PCM1: variants seen among roughly 807,000 people sequenced by gnomAD.
The protein encoded by PCM1 is pericentriolar material 1 protein.
PCM1 carries 157 observed loss-of-function variants against 241.9 expected under a neutral mutation model. That is an observed-to-expected ratio of 0.65 (90% CI 0.57 to 0.74). The LOEUF is 0.74. Ranked by LOEUF, PCM1 falls within the 30% of genes least tolerant of loss-of-function variation. The pLI, the probability that PCM1 is intolerant of heterozygous loss-of-function variation, is 0.00. For synonymous variants in PCM1, 1,085 were observed against 784.9 expected (o/e 1.38, Z -6.39); for missense variants, 3,478 against 2,360.1 (o/e 1.47, Z -9.81).
At chr8:17,996,760 A>G (rs914986095) in intron 29 of PCM1, among the ~76,000 whole-genome samples, 10 of 152,218 alleles carry the variant, frequency 6.6e-5, no homozygotes, top group Admixed American at 6.5e-4. Context: ...AACCGATAAC[A>G]CTGATTGCAT....
At chr8:17,945,606 T>TA (rs1427268896) in intron 6 of PCM1, among the ~76,000 whole-genome samples, 1 of 152,208 alleles carries the variant, frequency 6.6e-6, no homozygotes, top group Non-Finnish European at 1.5e-5. Flanking sequence ...AGTCACAGTG[T>TA]AAAATATTAC....
chr8:17,993,930 A>G (rs1283508957), intron 29 of PCM1, among the ~76,000 whole-genome samples: 1 of 152,104 alleles, frequency 6.6e-6, no homozygotes, highest in Non-Finnish European at 1.5e-5. Context: ...GTAGGTGTGT[A>G]TATTTATGGG....
chr8:17,948,638 A>G (rs1306882768), intron 7 of PCM1, among the ~76,000 whole-genome samples: 1 of 152,158 alleles, frequency 6.6e-6, no homozygotes, highest in African/African-American at 2.4e-5. Context: ...ATATAGCTGT[A>G]TAGAGTACTG....
Position 17,967,037 on chromosome 8 carries a change from T to G in PCM1, c.3279T>G (p.Pro1093=). Residue 1093 remains proline, a synonymous_variant, in exon 21 of 39, where the codon CCT becomes CCG. Transcript: ENST00000325083. ...MRQQNQHPEK[P]GGKERGSSAS... ...AGCAAAATCAGCATCCAGAAAAACC[T>G]GGAGGCAAGGAAAGAGGCAGTAGTG... The G allele has an allele frequency of 6.2e-7, 1 of 1,609,540 alleles. No homozygotes were observed. The highest frequency in any genetic ancestry group is 1.7e-5 in the Admixed American group (1 of 59,406).
chr8:18,020,408 T>TCTTA (rs1266249540), intron 36 of PCM1, among the ~76,000 whole-genome samples: 3 of 152,144 alleles, frequency 2.0e-5, no homozygotes, highest in Non-Finnish European at 4.4e-5. Context: ...ATCCAACATG[T>TCTTA]CTTAATAAGT....
chr8:17,942,360 A>G (rs909869398), intron 6 of PCM1, among the ~76,000 whole-genome samples: 4 of 151,286 alleles, frequency 2.6e-5, no homozygotes, highest in African/African-American at 9.7e-5. Flanking sequence ...CCAGCTACTC[A>G]GGAGGCTGAG....
rs1222730498 is a variant in PCM1 at position 17,964,589 on chromosome 8, G to T, written c.2676G>T (p.Gly892=). The change falls in exon 18 of 39, where the codon GGG becomes GGT. Residue 892 remains glycine (G), a synonymous_variant. Coordinates refer to ENST00000325083, the MANE Select transcript of PCM1 (RefSeq NM_006197.4). ...RTEKTMATWG[G]STQCALDEEG... is the part of the protein sequence containing the mutation. ...CTAGAACGATGGCAACTTGGGGAGG[G>T]TCTACCCAGTGTGCACTAGATGAAG... 1.2e-5 allele frequency: 20 copies of T among 1,613,592 alleles called. No homozygotes were observed. Among genetic ancestry groups the T allele is most frequent in the Non-Finnish European group, 1.6e-5 (19 of 1,179,734 alleles).
At chr8:17,940,305 T>C (rs1020553760) in intron 6 of PCM1, 5 of 493,858 alleles carry the variant, frequency 1.0e-5, no homozygotes, top group Non-Finnish European at 1.4e-5. Context: ...GTATGTGTTC[T>C]TCTGTATTTA....
chr8:17,999,618 T>A (rs572425215), intron 29 of PCM1, among the ~76,000 whole-genome samples: 102 of 152,218 alleles, frequency 6.7e-4, no homozygotes, highest in Admixed American at 3.2e-3. Flanking sequence ...CAGTGCTGCC[T>A]GGGGTTGGGG....
In PCM1 at chr8:17,966,364, C is replaced by G; in HGVS notation, c.3112C>G (p.Pro1038Ala). 4 of 1,613,758 alleles carry G rather than the reference C, an allele frequency of 2.5e-6. No individual in the cohort carries two copies. The highest frequency in any genetic ancestry group is 1.6e-4 in the Middle Eastern group (1 of 6,062). Reference protein sequence around the residue: ...SCLLQTLLTGPYSVMPSNVAS... With the variant: ...SCLLQTLLTGAYSVMPSNVAS... ...TCTGCTACAAACTCTTCTCACGGGT[C>G]CTTACAGTGTTATGCCCAGCAATGT... Residue 1038 changes from proline (P) to alanine (A), a missense_variant, in exon 20 of 39, where the codon CCT (proline) becomes GCT (alanine). Coordinates refer to ENST00000325083, the MANE Select transcript of PCM1 (RefSeq NM_006197.4).
chr8:17,999,057 C>T (rs911364192), intron 29 of PCM1, among the ~76,000 whole-genome samples: 2 of 152,124 alleles, frequency 1.3e-5, no homozygotes, highest in African/African-American at 4.8e-5. Flanking sequence ...GTGGGCTCTC[C>T]TCTGGCCCAG....
intron 29 of PCM1, among the ~76,000 whole-genome samples, chr8:17,996,428 T>G (rs983760453): frequency 6.6e-6 from 1 of 152,200 alleles, no homozygotes; most frequent in African/African-American, 2.4e-5. Context: ...GTTGTTGAAT[T>G]CCGAGGTATC....
At chr8:17,996,985 T>C (rs539948413) in intron 29 of PCM1, among the ~76,000 whole-genome samples, 2 of 152,344 alleles carry the variant, frequency 1.3e-5, no homozygotes, top group South Asian at 4.1e-4. Context: ...TACTTTCTAT[T>C]ACTGGTGAAT....
chr8:17,993,123 T>C (rs796547264), intron 28 of PCM1, among the ~76,000 whole-genome samples: 9 of 152,238 alleles, frequency 5.9e-5, no homozygotes, highest in African/African-American at 2.2e-4. Context: ...TTTGTTTTTG[T>C]TGCATTTGCT....
At chr8:17,926,781 C>G (rs2057139242) in intron 2 of PCM1, 1 of 152,112 alleles carries the variant, frequency 6.6e-6, no homozygotes, top group Non-Finnish European at 1.5e-5. Flanking sequence ...TGGTAGTATT[C>G]AGGAAGGCTA....
At position 17,994,055 on chromosome 8, in the gene PCM1, CTT is replaced by C. The variant is rs775201878; in HGVS notation, c.4827+439_4827+440del. On this transcript the variant is annotated intron_variant, in intron 29 of 38. Coordinates refer to ENST00000325083, the MANE Select transcript of PCM1 (RefSeq NM_006197.4). ...GTGTTACAAACAATCCAGTTATACT[CTT>C]TTAGTTATTTTAAAATGTATAATTA... Among the ~76,000 whole-genome samples, 160 of 152,240 alleles carry C rather than the reference CTT, an allele frequency of 1.1e-3. 2 individuals are homozygous for C. Among genetic ancestry groups the C allele is most frequent in the Non-Finnish European group, 1.2e-3 (84 of 68,008 alleles).
chr8:18,021,555 G>A (rs796083494), intron 36 of PCM1, among the ~76,000 whole-genome samples: 8 of 152,208 alleles, frequency 5.3e-5, no homozygotes, highest in African/African-American at 1.9e-4. Context: ...TTCCTTTATG[G>A]GGCTTTTCTG....
In PCM1 at chr8:17,953,201, T is replaced by C; in HGVS notation, c.1288+15T>C. 1 of 1,399,766 alleles carries C rather than the reference T, an allele frequency of 7.1e-7. No individual in the cohort carries two copies. 86.7% of individuals were successfully genotyped at this position (1,399,766 alleles called of 1,614,324 possible). The stretch of plus-strand genomic sequence containing the variant: ...CAATTCATCATGTGAGTAAATCTGG[T>C]TCAGCAGTATTGGGTATAAGACACA... On this transcript the variant is annotated intron_variant, in intron 9 of 38. Transcript: ENST00000325083.
chr8:17,955,003 TGA>T (rs1294536821), intron 9 of PCM1, among the ~76,000 whole-genome samples: 1 of 152,120 alleles, frequency 6.6e-6, no homozygotes, highest in Non-Finnish European at 1.5e-5. Flanking sequence ...TATGAAAAAC[TGA>T]TGAAGACCTA....
Sources: gnomAD v4.1 joint callset for allele counts (sites outside exome capture counted in the v4.1 genomes callset) on GRCh38, gnomAD v4.1.1 for gene constraint, MANE v1.5 for transcripts, NCBI Gene and HGNC (gene_info 2026-07-23, HGNC 2026-07-21) for gene names.